HTR2C: variants seen among roughly 807,000 people sequenced by gnomAD.
HTR2C encodes the protein 5-hydroxytryptamine receptor 2C, also known as 5-hydroxytryptamine (serotonin) receptor 2C, G protein-coupled.
In HTR2C, 5 loss-of-function variants were observed where a neutral mutation model predicts 21.0. The ratio of observed to expected loss-of-function variants is 0.24; its 90% CI spans 0.12 to 0.50. The LOEUF is 0.50. Ranked by LOEUF, HTR2C falls within the 20% of genes least tolerant of loss-of-function variation. The pLI is 0.98. For missense variants in HTR2C, 271 were observed against 371.2 expected (o/e 0.73, Z 2.22); for synonymous variants, 150 against 145.3 (o/e 1.03, Z -0.23).
At chrX:114,615,406 A>G (rs1261329522) in intron 2 of HTR2C, among the ~76,000 whole-genome samples, 2 of 112,089 alleles carry the variant, frequency 1.8e-5, no homozygotes, top group South Asian at 3.7e-4. Context: ...CAAAAAGTAT[A>G]AAATGTAAAA....
chrX:114,885,304 G>T (rs183983149), intron 5 of HTR2C, among the ~76,000 whole-genome samples: 109 of 110,651 alleles, frequency 9.9e-4, no homozygotes, highest in Admixed American at 1.8e-3. Context: ...TGTTACAATT[G>T]CCTACAGTAT....
At chrX:114,836,996 T>A (rs782528082) in intron 4 of HTR2C, among the ~76,000 whole-genome samples, 1 of 111,882 alleles carries the variant, frequency 8.9e-6, no homozygotes, top group Non-Finnish European at 1.9e-5. Context: ...GACTTTCTTG[T>A]TTTTTTCCAA....
At chrX:114,604,593 GGAGT>G (rs1928312722) in intron 1 of HTR2C, among the ~76,000 whole-genome samples, 1 of 111,205 alleles carries the variant, frequency 9.0e-6, no homozygotes, top group African/African-American at 3.3e-5. Context: ...GATCTGGGAA[GGAGT>G]CAGTCAGAGA....
Position 114,704,783 on chromosome X carries a change from G to C in HTR2C, c.-79-22075G>C, listed in dbSNP as rs781891832. Among the ~76,000 whole-genome samples, 4 of 109,433 alleles carry C rather than the reference G, an allele frequency of 3.7e-5. 1 individual carries two copies. The Admixed American group carries it at 3.9e-4, about 11-fold the overall frequency. On this transcript the variant is annotated intron_variant, in intron 2 of 5. Transcript: ENST00000276198. Reference sequence around the variant, plus strand: ...CGTCAAATTGTCCCTGTTTGCAGATGACATGATTGTATATTTAGAAAACCC... The same window carrying C: ...CGTCAAATTGTCCCTGTTTGCAGATCACATGATTGTATATTTAGAAAACCC...
chrX:114,632,332 C>T (rs1556404442), intron 2 of HTR2C, among the ~76,000 whole-genome samples: 1 of 111,379 alleles, frequency 9.0e-6, no homozygotes, highest in Non-Finnish European at 1.9e-5. Context: ...TGAGGGGGGA[C>T]TCCCACAAAA....
chrX:114,821,864 A>AAAGACT (rs1199269948), intron 4 of HTR2C, among the ~76,000 whole-genome samples: 4 of 109,650 alleles, frequency 3.6e-5, no homozygotes, highest in African/African-American at 1.3e-4. Flanking sequence ...AACAAATTAT[A>AAAGACT]AAGACTAAAT....
chrX:114,860,051 T>A (rs1385776340), intron 5 of HTR2C, among the ~76,000 whole-genome samples: 1 of 111,822 alleles, frequency 8.9e-6, no homozygotes, highest in African/African-American at 3.2e-5. Flanking sequence ...ATTTGACTTT[T>A]ATTGTCATTG....
intron 5 of HTR2C, among the ~76,000 whole-genome samples, chrX:114,902,134 C>T (rs1556485394): frequency 8.9e-6 from 1 of 111,781 alleles, no homozygotes; most frequent in Non-Finnish European, 1.9e-5. Flanking sequence ...ATGTGCCTTG[C>T]GGAATTTTTA....
At chrX:114,803,754 A>G (rs1556447799) in intron 4 of HTR2C, among the ~76,000 whole-genome samples, 2 of 108,940 alleles carry the variant, frequency 1.8e-5, no homozygotes, top group African/African-American at 6.7e-5. Flanking sequence ...CCATTTGTCA[A>G]TTTTGTCTTT....
intron 1 of HTR2C, among the ~76,000 whole-genome samples, chrX:114,604,529 A>G (rs28756383): frequency 0.12 from 13,505 of 109,247 alleles, 725 homozygotes; most frequent in South Asian, 0.26. Flanking sequence ...GTGATGGTCT[A>G]GGGGGCTTCC....
chrX:114,855,785 T>A (rs1397235201), intron 5 of HTR2C, among the ~76,000 whole-genome samples: 2 of 66,032 alleles, frequency 3.0e-5, no homozygotes, highest in South Asian at 1.1e-3. Context: ...TTTTTTTTTT[T>A]ACCAAAGCTG....
chrX:114,806,064 C>CACCATATGCAT (rs1556449244), intron 4 of HTR2C, among the ~76,000 whole-genome samples: 1 of 87,361 alleles, frequency 1.1e-5, no homozygotes, highest in Non-Finnish European at 2.2e-5. Context: ...ACCATATATA[C>CACCATATGCAT]ACCATATATA....
intron 4 of HTR2C, among the ~76,000 whole-genome samples, chrX:114,783,675 C>T (rs953119408): frequency 4.5e-5 from 5 of 111,202 alleles, no homozygotes; most frequent in African/African-American, 1.6e-4. Flanking sequence ...CAAAAGTTGA[C>T]TATTTACTAG....
chrX:114,671,984 C>A (rs1049453251), intron 2 of HTR2C, among the ~76,000 whole-genome samples: 1 of 111,466 alleles, frequency 9.0e-6, no homozygotes, highest in Non-Finnish European at 1.9e-5. Context: ...CATTTGTCTT[C>A]TCCTTCTTTC....
At chrX:114,637,866 G>GA (rs1929905703) in intron 2 of HTR2C, among the ~76,000 whole-genome samples, 1 of 110,506 alleles carries the variant, frequency 9.0e-6, no homozygotes, top group South Asian at 3.8e-4. Flanking sequence ...TTTTGCAATT[G>GA]AAAAAAAAGC....
intron 2 of HTR2C, among the ~76,000 whole-genome samples, chrX:114,689,282 T>C (rs1258659578): frequency 9.6e-6 from 1 of 104,051 alleles, no homozygotes; most frequent in Non-Finnish European, 2.0e-5. Context: ...GCTGCTTCCA[T>C]ATTTTTGCAA....
At chrX:114,715,355 T>C (rs1932971712) in intron 2 of HTR2C, 1 of 379,185 alleles carries the variant, frequency 2.6e-6, no homozygotes, top group Admixed American at 2.6e-5. Flanking sequence ...GCTGGAACCC[T>C]CCACAACCAG....
At chrX:114,726,196 G>T (rs5988116) in intron 2 of HTR2C, among the ~76,000 whole-genome samples, 3 of 112,564 alleles carry the variant, frequency 2.7e-5, no homozygotes, top group Non-Finnish European at 3.8e-5. Flanking sequence ...CTCGGAACCA[G>T]GTGCAGGATA....
At chrX:114,773,364 C>T (rs782449968) in intron 4 of HTR2C, among the ~76,000 whole-genome samples, 1 of 111,858 alleles carries the variant, frequency 8.9e-6, no homozygotes, top group African/African-American at 3.2e-5. Context: ...ATAAGTGAAA[C>T]TATATGAAAA....
Sources: gnomAD v4.1 joint callset for allele counts (sites outside exome capture counted in the v4.1 genomes callset) on GRCh38, gnomAD v4.1.1 for gene constraint, MANE v1.5 for transcripts, NCBI Gene and HGNC (gene_info 2026-07-23, HGNC 2026-07-21) for gene names.